Variants in GRIK4 observed in about 807,000 individuals in gnomAD.
The protein encoded by GRIK4 is glutamate ionotropic receptor kainate type subunit 4.
Under a neutral mutation model 104.9 loss-of-function variants are expected in GRIK4, and 40 were observed. The ratio of observed to expected loss-of-function variants is 0.38; its 90% confidence interval spans 0.30 to 0.50. The LOEUF (loss-of-function observed/expected upper bound fraction) is 0.50. GRIK4 is among the 20% of genes least tolerant of loss of function. The pLI is 0.93. For synonymous variants in GRIK4, 485 were observed against 524.9 expected, an observed-to-expected ratio of 0.92 and a Z score of 1.04; for missense variants, 1,047 against 1,308.1, an observed-to-expected ratio of 0.80 and a Z score of 3.08.
chr11:120,927,565 CAAAAAA>C lies in GRIK4; in HGVS notation c.1477-12763_1477-12758del, dbSNP rs56223442. Among the ~76,000 whole-genome samples the C allele has an allele frequency of 9.6e-4, 98 of 101,574 alleles. 1 individual carries two copies. In the South Asian group the frequency reaches 0.014, roughly 14 times the overall value. 66.6% of individuals were successfully genotyped at this position (101,574 alleles called of 152,430 possible). On this transcript the variant is annotated intron_variant, in intron 13 of 20. Transcript: ENST00000527524. ...TAGGTGACAAAGTGAGACTCTGTCT[CAAAAAA>C]AAAAAAAAAAAAAAAAAAGAAAGAA...
At chr11:120,793,177 A>C (rs1175103296) in intron 3 of GRIK4, among the ~76,000 whole-genome samples, 2 of 152,146 alleles carry the variant, frequency 1.3e-5, no homozygotes, top group Non-Finnish European at 2.9e-5. Flanking sequence ...TGGCAGGTGC[A>C]GTTTGGGTGG....
At chr11:120,660,243 C>A in intron 2 of GRIK4, 26 bp from the exon 3 acceptor site, 5 of 1,038,858 alleles carry the variant, frequency 4.8e-6, no homozygotes, top group South Asian at 4.0e-5. Context: ...CTGGGACTCA[C>A]GTGCCCCCAA....
chr11:120,942,534 G>A lies in GRIK4; in HGVS notation c.1590+2074G>A, dbSNP rs556929573. On this transcript the variant is annotated intron_variant, in intron 14 of 20. Transcript: ENST00000527524. Reference sequence around the variant, plus strand: ...CTCAGTGGCCCATCAGGAACCAGATGGCAGAAGGTACCTGACCCCAAGTGT... The same window carrying A: ...CTCAGTGGCCCATCAGGAACCAGATAGCAGAAGGTACCTGACCCCAAGTGT... Among the ~76,000 whole-genome samples the A allele has an allele frequency of 2.0e-4, 30 of 152,284 alleles. No homozygotes were observed. In the South Asian group the frequency reaches 6.2e-3, roughly 32 times the overall value.
At chr11:120,634,168 T>C (rs1949367083) in intron 1 of GRIK4, among the ~76,000 whole-genome samples, 1 of 152,238 alleles carries the variant, frequency 6.6e-6, no homozygotes, top group South Asian at 2.1e-4. Context: ...GCGTCCTGCC[T>C]GACAAGTTGT....
At chr11:120,744,479 G>A (rs1441511369) in intron 3 of GRIK4, among the ~76,000 whole-genome samples, 1 of 152,190 alleles carries the variant, frequency 6.6e-6, no homozygotes, top group Non-Finnish European at 1.5e-5. Flanking sequence ...CTGCGTACAA[G>A]AAGGACAACA....
At chr11:120,869,424 TTCTAC>T in intron 9 of GRIK4, 1 of 152,268 alleles carries the variant, frequency 6.6e-6, no homozygotes, top group Non-Finnish European at 1.5e-5. Flanking sequence ...AGGATTTTCC[TTCTAC>T]CTGCTCCCTG....
chr11:120,708,912 G>A lies in GRIK4; in HGVS notation c.82+48512G>A, dbSNP rs140952503. 4.1e-3 allele frequency among the ~76,000 whole-genome samples: 573 copies of A among 138,612 alleles called. 4 individuals carry two copies. The highest frequency in any genetic ancestry group is 0.017 in the African/African-American group (547 of 31,538). 90.9% of individuals were successfully genotyped at this position (138,612 alleles called of 152,430 possible). A position where few individuals can be genotyped will look rare whatever the true frequency, so the allele number is the denominator to read the frequency against. ...TTGCAGGACTCCAGCAAGCCGGCTG[G>A]CTGCTTTCGATGGGCCAGAGCATAA... On this transcript the variant is annotated intron_variant, in intron 3 of 20. Coordinates refer to ENST00000527524, the MANE Select transcript of GRIK4 (RefSeq NM_014619.5).
At chr11:120,928,959 ACGTGTG>A (rs1460567620) in intron 13 of GRIK4, among the ~76,000 whole-genome samples, 1 of 74,714 alleles carries the variant, frequency 1.3e-5, no homozygotes, top group Non-Finnish European at 3.0e-5. Flanking sequence ...GTTAGCAAAG[ACGTGTG>A]TGTGTGTGTG....
chr11:120,872,204 T>C (rs1024489355), intron 9 of GRIK4: 4 of 308,436 alleles, frequency 1.3e-5, no homozygotes, highest in African/African-American at 2.2e-5. Flanking sequence ...CTGCTGCTTC[T>C]CTTTTACAGG....
intron 3 of GRIK4, among the ~76,000 whole-genome samples, chr11:120,721,720 G>T (rs558638149): frequency 2.6e-5 from 4 of 152,278 alleles, no homozygotes; most frequent in African/African-American, 7.2e-5. Flanking sequence ...AAAGGAAATA[G>T]TTGGGCTATA....
intron 1 of GRIK4, among the ~76,000 whole-genome samples, chr11:120,615,990 C>A (rs989597301): frequency 6.6e-6 from 1 of 152,014 alleles, no homozygotes; most frequent in Non-Finnish European, 1.5e-5. Flanking sequence ...GGGTTACCAG[C>A]TGATTTCAGA....
At chr11:120,618,419 G>GTA (rs1481829337) in intron 1 of GRIK4, among the ~76,000 whole-genome samples, 1 of 152,180 alleles carries the variant, frequency 6.6e-6, no homozygotes, top group East Asian at 1.9e-4. Flanking sequence ...CAGCCTGGTC[G>GTA]TGTGGTACAA....
intron 3 of GRIK4, among the ~76,000 whole-genome samples, chr11:120,751,784 C>T (rs1951558198): frequency 6.6e-6 from 1 of 152,194 alleles, no homozygotes; most frequent in Non-Finnish European, 1.5e-5. Context: ...TGCTGGGCTT[C>T]CGGGCTGGCT....
chr11:120,844,713 A>G (rs1377033156), intron 8 of GRIK4, among the ~76,000 whole-genome samples: 1 of 151,882 alleles, frequency 6.6e-6, no homozygotes, highest in Non-Finnish European at 1.5e-5. Context: ...CATGACAACT[A>G]CTCCATCTGG....
intron 3 of GRIK4, among the ~76,000 whole-genome samples, chr11:120,782,665 G>A (rs1952182258): frequency 6.6e-6 from 1 of 152,146 alleles, no homozygotes. Context: ...GTCAAAGGGT[G>A]CCTTCTGTGG....
intron 11 of GRIK4, among the ~76,000 whole-genome samples, chr11:120,896,576 G>A (rs1460471882): frequency 6.6e-6 from 1 of 152,196 alleles, no homozygotes; most frequent in Non-Finnish European, 1.5e-5. Flanking sequence ...GGAGGCCCAC[G>A]AGAGCTCCCA....
chr11:120,854,703 A>G (rs1318974768), intron 8 of GRIK4, among the ~76,000 whole-genome samples: 1 of 152,228 alleles, frequency 6.6e-6, no homozygotes, highest in Non-Finnish European at 1.5e-5. Flanking sequence ...AATACTAATA[A>G]GGAGTCTGTA....
chr11:120,874,537 C>T (rs534395695), intron 10 of GRIK4, among the ~76,000 whole-genome samples: 1 of 152,290 alleles, frequency 6.6e-6, no homozygotes, highest in Admixed American at 6.5e-5. Context: ...CAGCAAAGCT[C>T]CACACAGCTG....
At chr11:120,554,540 G>A (rs377653446) in intron 1 of GRIK4, among the ~76,000 whole-genome samples, 3 of 151,884 alleles carry the variant, frequency 2.0e-5, no homozygotes, top group Admixed American at 6.6e-5. Flanking sequence ...TCTCTCTGTC[G>A]CTCTCTTTTT....
Sources: allele counts gnomAD v4.1 joint callset (sites outside exome capture counted in the v4.1 genomes callset), GRCh38; gene constraint gnomAD v4.1.1; transcripts MANE v1.5; gene names NCBI Gene and HGNC (gene_info 2026-07-23, HGNC 2026-07-21).